AGBL4: variants seen among roughly 807,000 people sequenced by gnomAD.
AGBL4 encodes the protein AGBL carboxypeptidase 4.
Under a neutral mutation model 66.4 loss-of-function variants are expected in AGBL4, and 58 were observed. The ratio of observed to expected loss-of-function variants is 0.87; its 90% confidence interval spans 0.71 to 1.09. AGBL4 has a LOEUF of 1.09. Among genes scored for constraint, AGBL4 ranks in the 50% least tolerant of loss-of-function variants. The pLI is 0.00. For missense variants in AGBL4, 579 were observed against 631.0 expected, an observed-to-expected ratio of 0.92 and a Z score of 0.88; for synonymous variants, 234 against 222.9, an observed-to-expected ratio of 1.05 and a Z score of -0.44.
At chr1:49,922,398 A>T (rs1376864179) in intron 1 of AGBL4, among the ~76,000 whole-genome samples, 1 of 152,216 alleles carries the variant, frequency 6.6e-6, no homozygotes, top group African/African-American at 2.4e-5. Context: ...CAATCAAAAG[A>T]CAAGGATGCC....
chr1:49,818,806 A>G (rs1035539591), intron 2 of AGBL4, among the ~76,000 whole-genome samples: 1 of 152,224 alleles, frequency 6.6e-6, no homozygotes, highest in Non-Finnish European at 1.5e-5. Flanking sequence ...AAGAGCGTGG[A>G]GCTTGTAACA....
chr1:49,380,056 A>C (rs1644564044), intron 3 of AGBL4, among the ~76,000 whole-genome samples: 1 of 152,186 alleles, frequency 6.6e-6, no homozygotes, highest in South Asian at 2.1e-4. Flanking sequence ...AGAGGAAGTC[A>C]AGTTGTCCCT....
chr1:49,351,171 C>T (rs1029231035), intron 3 of AGBL4, among the ~76,000 whole-genome samples: 2 of 152,164 alleles, frequency 1.3e-5, no homozygotes, highest in Non-Finnish European at 2.9e-5. Flanking sequence ...GCAAGTTCAT[C>T]CTGCCTGCTA....
intron 2 of AGBL4, among the ~76,000 whole-genome samples, chr1:49,765,137 C>G (rs1652640941): frequency 6.6e-6 from 1 of 152,138 alleles, no homozygotes; most frequent in Non-Finnish European, 1.5e-5. Context: ...CCTCCACCCC[C>G]CATGGAACAG....
At chr1:49,908,175 G>A (rs1396166454) in intron 1 of AGBL4, among the ~76,000 whole-genome samples, 2 of 152,094 alleles carry the variant, frequency 1.3e-5, no homozygotes, top group Admixed American at 1.3e-4. Flanking sequence ...AGGAGTTCAA[G>A]ACCAGCCTGG....
chr1:48,949,094 C>T (rs1656755015), intron 5 of AGBL4, among the ~76,000 whole-genome samples: 1 of 152,146 alleles, frequency 6.6e-6, no homozygotes, highest in African/African-American at 2.4e-5. Flanking sequence ...TCTTGAAACC[C>T]CTTGCCCACT....
intron 5 of AGBL4, among the ~76,000 whole-genome samples, chr1:49,008,896 A>G (rs905666624): frequency 2.0e-5 from 3 of 152,062 alleles, no homozygotes; most frequent in Non-Finnish European, 4.4e-5. Flanking sequence ...AGGGAAATTT[A>G]TAGCACTAAA....
chr1:48,880,780 T>C (rs1028042904), intron 5 of AGBL4, among the ~76,000 whole-genome samples: 3 of 152,214 alleles, frequency 2.0e-5, no homozygotes, highest in Admixed American at 6.5e-5. Flanking sequence ...AGTATCTGTG[T>C]TTGTGATGCA....
chr1:49,989,290 G>C (rs760508732), intron 1 of AGBL4, among the ~76,000 whole-genome samples: 1 of 152,198 alleles, frequency 6.6e-6, no homozygotes, highest in Non-Finnish European at 1.5e-5. Context: ...GAAATGTAGA[G>C]AAGGCTGAAC....
At chr1:49,399,868 CA>C (rs1645047526) in intron 3 of AGBL4, among the ~76,000 whole-genome samples, 1 of 151,778 alleles carries the variant, frequency 6.6e-6, no homozygotes, top group Non-Finnish European at 1.5e-5. Context: ...CTCATTTGTC[CA>C]TTTTTGCTTT....
intron 1 of AGBL4, among the ~76,000 whole-genome samples, chr1:49,888,722 A>G (rs1557551097): frequency 6.6e-6 from 1 of 152,190 alleles, no homozygotes; most frequent in East Asian, 1.9e-4. Context: ...ATAACCACCC[A>G]ACAGTGAAAT....
intron 3 of AGBL4, among the ~76,000 whole-genome samples, chr1:49,472,702 G>T (rs1000523572): frequency 1.3e-5 from 2 of 151,918 alleles, no homozygotes; most frequent in African/African-American, 4.8e-5. Context: ...GGGTACATGT[G>T]CAGGTTTGTT....
chr1:49,701,099 T>C (rs1220830207), intron 2 of AGBL4, among the ~76,000 whole-genome samples: 9 of 152,030 alleles, frequency 5.9e-5, no homozygotes, highest in African/African-American at 1.4e-4. Flanking sequence ...ATCAGGATGG[T>C]AAAATAGGTG....
intron 9 of AGBL4, among the ~76,000 whole-genome samples, chr1:48,623,218 A>G (rs182779439): frequency 3.3e-4 from 50 of 152,332 alleles, no homozygotes; most frequent in African/African-American, 1.2e-3. Context: ...TTTTCTTTTG[A>G]AGATTACTGT....
chr1:48,868,932 TC>T (rs1358343827), intron 5 of AGBL4, among the ~76,000 whole-genome samples: 2 of 152,212 alleles, frequency 1.3e-5, no homozygotes, highest in Non-Finnish European at 1.5e-5. Flanking sequence ...CTGATGAAGA[TC>T]TGTGTTGTCT....
At chr1:49,110,083 A>G (rs918141178) in intron 4 of AGBL4, among the ~76,000 whole-genome samples, 3 of 152,222 alleles carry the variant, frequency 2.0e-5, no homozygotes, top group Non-Finnish European at 4.4e-5. Flanking sequence ...TTACACTACA[A>G]TAACTATTTG....
chr1:48,854,272 C>T (rs1647096667), intron 6 of AGBL4, among the ~76,000 whole-genome samples: 1 of 152,184 alleles, frequency 6.6e-6, no homozygotes, highest in Non-Finnish European at 1.5e-5. Flanking sequence ...TGGCATCCTG[C>T]TCCATATCTG....
intron 3 of AGBL4, among the ~76,000 whole-genome samples, chr1:49,378,955 G>A (rs751233191): frequency 1.3e-5 from 2 of 152,010 alleles, no homozygotes; most frequent in Non-Finnish European, 2.9e-5. Context: ...TAAAAGGAAG[G>A]TATGAGCAGC....
At chr1:48,662,658 T>C (rs952562203) in intron 7 of AGBL4, among the ~76,000 whole-genome samples, 1 of 152,148 alleles carries the variant, frequency 6.6e-6, no homozygotes, top group Non-Finnish European at 1.5e-5. Context: ...TTGCCTCTGG[T>C]TGTCTGATGC....
Sources: gnomAD v4.1 joint callset for allele counts (sites outside exome capture counted in the v4.1 genomes callset) on GRCh38, gnomAD v4.1.1 for gene constraint, MANE v1.5 for transcripts, NCBI Gene and HGNC (gene_info 2026-07-23, HGNC 2026-07-21) for gene names.